Variants in FOCAD observed in about 807,000 individuals in gnomAD.
The protein encoded by FOCAD is KIAA1797.
FOCAD carries 198 observed loss-of-function variants against 225.6 expected under a neutral mutation model. The observed-to-expected ratio is 0.88, with a 90% CI of 0.78 to 0.99. The LOEUF (loss-of-function observed/expected upper bound fraction) is 0.99, where lower values mean the gene tolerates loss of function less well. Ranked by LOEUF, FOCAD falls within the 50% of genes least tolerant of loss-of-function variation. FOCAD has a pLI of 0.00. For synonymous variants in FOCAD, 897 were observed against 755.0 expected (o/e 1.19, Z -3.08); for missense variants, 2,713 against 2,123.6 (o/e 1.28, Z -5.46).
chr9:20,785,401 C>G (rs574987902), intron 10 of FOCAD, among the ~76,000 whole-genome samples: 1 of 152,060 alleles, frequency 6.6e-6, no homozygotes, highest in Non-Finnish European at 1.5e-5. Flanking sequence ...CCCTAATTCC[C>G]CCCTTTTTTC....
intron 5 of FOCAD, among the ~76,000 whole-genome samples, chr9:20,752,857 C>T (rs1828695775): frequency 6.6e-6 from 1 of 151,706 alleles, no homozygotes; most frequent in Admixed American, 6.6e-5. Context: ...TGTAGTTCTC[C>T]TTGAAGAGGT....
chr9:20,933,571 A>ATGTGTGTG (rs377115971), intron 28 of FOCAD, among the ~76,000 whole-genome samples: 1 of 150,742 alleles, frequency 6.6e-6, no homozygotes, highest in Non-Finnish European at 1.5e-5. Flanking sequence ...GTGTGTGTGT[A>ATGTGTGTG]TGTGTGTGTG....
intron 8 of FOCAD, among the ~76,000 whole-genome samples, chr9:20,771,332 A>AT (rs538947345): frequency 1.3e-5 from 2 of 152,182 alleles, no homozygotes; most frequent in Non-Finnish European, 2.9e-5. Context: ...AGCAGATCTC[A>AT]TTTTTTAATG....
At chr9:20,881,404 C>T (rs1001378728) in intron 19 of FOCAD, among the ~76,000 whole-genome samples, 1 of 152,084 alleles carries the variant, frequency 6.6e-6, no homozygotes, top group Admixed American at 6.6e-5. Flanking sequence ...TTATTTTATG[C>T]ACAGTGAAAA....
At chr9:20,856,046 A>C (rs558708531) in intron 15 of FOCAD, among the ~76,000 whole-genome samples, 1 of 152,010 alleles carries the variant, frequency 6.6e-6, no homozygotes, top group South Asian at 2.1e-4. Context: ...GTGCTGCAGT[A>C]AACATGGGAA....
intron 35 of FOCAD, among the ~76,000 whole-genome samples, chr9:20,968,359 A>G (rs989865488): frequency 1.2e-4 from 17 of 146,586 alleles, no homozygotes; most frequent in South Asian, 2.1e-4. Context: ...CTTAGTCTAG[A>G]TAACAGTTTG....
intron 24 of FOCAD, among the ~76,000 whole-genome samples, chr9:20,920,231 A>C (rs1834274667): frequency 2.7e-5 from 4 of 149,440 alleles, no homozygotes; most frequent in South Asian, 2.1e-4. Context: ...ATCACTGGCC[A>C]TCAGAGAAAT....
intron 1 of FOCAD, among the ~76,000 whole-genome samples, chr9:20,702,467 C>T (rs891192754): frequency 1.4e-4 from 21 of 152,266 alleles, no homozygotes; most frequent in Non-Finnish European, 8.8e-5. Context: ...AGTGGTTAAG[C>T]ATGTGAGATC....
intron 10 of FOCAD, among the ~76,000 whole-genome samples, chr9:20,785,288 G>A (rs999442898): frequency 2.0e-5 from 3 of 151,992 alleles, no homozygotes; most frequent in Non-Finnish European, 2.9e-5. Context: ...CAATTCAGTG[G>A]CTTTTAGTAT....
intron 15 of FOCAD, among the ~76,000 whole-genome samples, chr9:20,846,158 C>T (rs1182874156): frequency 2.6e-5 from 4 of 152,132 alleles, no homozygotes; most frequent in South Asian, 4.2e-4. Context: ...TCCTCAGCCT[C>T]GTGTGCCCTG....
intron 19 of FOCAD, chr9:20,875,091 C>G (rs1347403538): frequency 2.9e-6 from 1 of 341,172 alleles, no homozygotes; most frequent in Non-Finnish European, 5.3e-6. Flanking sequence ...ATGTATTCCA[C>G]AAGATGAATT....
chr9:20,770,951 A>G (rs1818160343), intron 8 of FOCAD, among the ~76,000 whole-genome samples: 1 of 152,198 alleles, frequency 6.6e-6, no homozygotes. Context: ...AAATTCTATG[A>G]CCTCAAGAGA....
chr9:20,677,586 A>G (rs1822273227), intron 2 of FOCAD, among the ~76,000 whole-genome samples: 1 of 152,208 alleles, frequency 6.6e-6, no homozygotes, highest in Non-Finnish European at 1.5e-5. Context: ...AAGACATACA[A>G]ATGGCCAATA....
intron 28 of FOCAD, among the ~76,000 whole-genome samples, chr9:20,940,611 A>C (rs1294086487): frequency 6.6e-6 from 1 of 152,148 alleles, no homozygotes; most frequent in Non-Finnish European, 1.5e-5. Context: ...CTTCAGGTTC[A>C]ACTGATACTT....
chr9:20,715,449 A>C, intron 2 of FOCAD, 39 bp downstream of exon 2: 1 of 1,268,132 alleles, frequency 7.9e-7, no homozygotes, highest in East Asian at 2.6e-5. Flanking sequence ...GGTAACAAAT[A>C]AACCTGTTCT....
chr9:20,818,693 A>C (rs959048678), intron 11 of FOCAD, among the ~76,000 whole-genome samples: 2 of 151,658 alleles, frequency 1.3e-5, no homozygotes, highest in Non-Finnish European at 2.9e-5. Context: ...ATAAGTACTC[A>C]TTTCTGGACT....
intron 35 of FOCAD, among the ~76,000 whole-genome samples, chr9:20,964,656 C>T (rs1002072445): frequency 1.3e-5 from 2 of 152,028 alleles, no homozygotes; most frequent in Non-Finnish European, 2.9e-5. Flanking sequence ...CTGCCTCAGC[C>T]TCCCAAGTAG....
chr9:20,930,190 CTTTA>C (rs35464887), intron 27 of FOCAD, among the ~76,000 whole-genome samples: 88,509 of 151,500 alleles, frequency 0.58, 26,291 homozygotes, highest in South Asian at 0.69. Context: ...GGACTGCTAA[CTTTA>C]TTTACCCTTG....
At chr9:20,872,986 A>G (rs972917673) in intron 18 of FOCAD, 1 of 152,094 alleles carries the variant, frequency 6.6e-6, no homozygotes, top group African/African-American at 2.4e-5. Flanking sequence ...TGTAGCATGT[A>G]TTTGTACTTT....
Sources: allele counts gnomAD v4.1 joint callset (sites outside exome capture counted in the v4.1 genomes callset), GRCh38; gene constraint gnomAD v4.1.1; transcripts MANE v1.5; gene names NCBI Gene and HGNC (gene_info 2026-07-23, HGNC 2026-07-21).